TGFBR3: variants seen among roughly 807,000 people sequenced by gnomAD.
The protein encoded by TGFBR3 is transforming growth factor beta receptor 3.
A neutral mutation model predicts 87.9 loss-of-function variants in TGFBR3; 46 were observed. The observed-to-expected ratio is 0.52, with a 90% CI of 0.41 to 0.67. The LOEUF (loss-of-function observed/expected upper bound fraction) is 0.67. TGFBR3 is among the 30% of genes least tolerant of loss of function. The pLI, the probability that TGFBR3 is intolerant of heterozygous loss-of-function variation, is 0.00. For synonymous variants in TGFBR3, 381 were observed against 391.6 expected (o/e 0.97, Z 0.32); for missense variants, 866 against 1,041.9 (o/e 0.83, Z 2.32).
intron 1 of TGFBR3, among the ~76,000 whole-genome samples, chr1:91,865,202 C>CAAAAAAAAAAA (rs67134125): frequency 1.7e-4 from 18 of 105,206 alleles, no homozygotes; most frequent in South Asian, 3.2e-4. Flanking sequence ...GACTCCATCT[C>CAAAAAAAAAAA]AAAAAAAAAA....
chr1:91,751,136 G>C lies in TGFBR3; in HGVS notation c.384+7477C>G, dbSNP rs188892878. On this transcript the variant is annotated intron_variant, in intron 4 of 16. Transcript: ENST00000212355. ...GCACATACATAAACCATCATACCCG[G>C]TATGCTAATTCTGTGTTTTTTTCTA... 5.9e-5 allele frequency among the ~76,000 whole-genome samples: 9 copies of C among 152,182 alleles called. No individual in the cohort carries two copies. The East Asian group carries it at 1.7e-3, about 29-fold the overall frequency.
At chr1:91,719,572 C>T (rs1672289786) in intron 9 of TGFBR3, 108 bp from the exon 10 acceptor site, 2 of 1,386,870 alleles carry the variant, frequency 1.4e-6, no homozygotes, top group Admixed American at 3.5e-5. Flanking sequence ...CGATGAGAGG[C>T]CTGCATCGTG....
chr1:91,724,024 A>C (rs1672463581), intron 7 of TGFBR3, among the ~76,000 whole-genome samples: 1 of 152,206 alleles, frequency 6.6e-6, no homozygotes. Context: ...GATCTCATTC[A>C]GTATATTTTT....
chr1:91,886,320 C>T (rs1278387766), upstream of TGFBR3: 1 of 384,398 alleles, frequency 2.6e-6, no homozygotes, highest in East Asian at 7.5e-5. Flanking sequence ...CGCCTCCCGC[C>T]TCCTCTCTCC....
In TGFBR3 at chr1:91,682,488, G is replaced by T. The variant is rs1670944345; in HGVS notation, c.*1251C>A. 1 of 439,134 alleles carries T rather than the reference G, an allele frequency of 2.3e-6. No individual in the cohort carries two copies. 27.2% of individuals were successfully genotyped at this position (439,134 alleles called of 1,614,324 possible). ...GTGGCATCATATTATTCCATTTAAT[G>T]AAATTCACCTCAAGCCCTTTTTGAC... is the stretch of plus-strand genomic sequence containing the variant. On this transcript the variant is annotated 3_prime_UTR_variant, in exon 17 of 17. Transcript: ENST00000212355.
rs764341440 is a variant in TGFBR3, at chr1:91,727,700, C to T, written c.844G>A (p.Val282Met). 2 of 1,614,134 alleles carry T rather than the reference C, an allele frequency of 1.2e-6. No homozygotes were observed. Among genetic ancestry groups the T allele is most frequent in the Non-Finnish European group, 1.7e-6 (2 of 1,180,014 alleles). Residue 282 changes from valine to methionine, a missense_variant, in exon 7 of 17, where the codon GTG becomes ATG. Transcript: ENST00000212355. ...CCCTTAACATCAAAAGATTTGATCA[C>T]CCAGTTGACAGACTTTTTGCACTTC... ...ILKCKKSVNW[V>M]IKSFDVKGSL...
intron 16 of TGFBR3, among the ~76,000 whole-genome samples, chr1:91,689,115 G>C (rs1036981033): frequency 8.5e-5 from 13 of 152,102 alleles, no homozygotes; most frequent in African/African-American, 2.4e-4. Flanking sequence ...AAAAAACAAA[G>C]CACCTCCCGG....
At chr1:91,692,076 G>A (rs1671287269) in intron 16 of TGFBR3, among the ~76,000 whole-genome samples, 1 of 152,074 alleles carries the variant, frequency 6.6e-6, no homozygotes, top group South Asian at 2.1e-4. Flanking sequence ...TAATTCTAGG[G>A]AAAATTAAAA....
chr1:91,843,669 T>C (rs1433319119), intron 2 of TGFBR3, among the ~76,000 whole-genome samples: 1 of 152,176 alleles, frequency 6.6e-6, no homozygotes, highest in Non-Finnish European at 1.5e-5. Flanking sequence ...GAACTACTGA[T>C]ACTTCAATTT....
Position 91,787,943 on chromosome 1 carries a change from G to GGAAAAAAAAAAAAAAAAAAAAA in TGFBR3, c.246+9343_246+9344insTTTTTTTTTTTTTTTTTTTTTC, listed in dbSNP as rs945269870. 6.6e-4 allele frequency among the ~76,000 whole-genome samples: 88 copies of GGAAAAAAAAAAAAAAAAAAAAA among 133,288 alleles called. 1 individual carries two copies. Among genetic ancestry groups the GGAAAAAAAAAAAAAAAAAAAAA allele is most frequent in the African/African-American group, 2.5e-3 (81 of 32,628 alleles). The allele number at this position is 133,288 out of a possible 152,430, so 87.4% of individuals were successfully genotyped here. On this transcript the variant is annotated intron_variant, in intron 3 of 16. Coordinates refer to ENST00000212355, the MANE Select transcript of TGFBR3 (RefSeq NM_003243.5). ...ACAGAGCCAGACCCTGTCTCACGGG[G>GGAAAAAAAAAAAAAAAAAAAAA]AAAAAAAAAAAAACCCCAAGAAGAA... is the stretch of plus-strand genomic sequence containing the variant.
Position 91,712,227 on chromosome 1 carries a change from A to C in TGFBR3, c.2166+16T>G, listed in dbSNP as rs776857300. The C allele has an allele frequency of 3.1e-6, 5 of 1,613,408 alleles. No homozygotes were observed. The East Asian group carries it at 1.1e-4, about 36-fold the overall frequency. ...AATGCCAAAATAACCATCCGAATGG[A>C]TGAAGGCCCACAAACCTTAGGCAAC... is the stretch of plus-strand genomic sequence containing the variant. On this transcript the variant is annotated intron_variant, in intron 13 of 16. Transcript: ENST00000212355.
At chr1:91,727,863 T>A in intron 6 of TGFBR3, 57 bp from the exon 7 acceptor site, 1 of 1,595,460 alleles carries the variant, frequency 6.3e-7, no homozygotes, top group Non-Finnish European at 8.6e-7. Context: ...GTTGCAACTA[T>A]CTCCCCTCTT....
chr1:91,710,818 C>T (rs919750232), intron 13 of TGFBR3, among the ~76,000 whole-genome samples: 1 of 152,176 alleles, frequency 6.6e-6, no homozygotes, highest in Admixed American at 6.5e-5. Flanking sequence ...GCAGAGCTTC[C>T]TTCTCAGTCC....
At chr1:91,789,033 C>T (rs1675080290) in intron 3 of TGFBR3, among the ~76,000 whole-genome samples, 1 of 152,160 alleles carries the variant, frequency 6.6e-6, no homozygotes, top group South Asian at 2.1e-4. Context: ...CACGGTGGCT[C>T]ACGCCTGTAA....
chr1:91,770,311 T>A (rs775274146), intron 3 of TGFBR3, among the ~76,000 whole-genome samples: 55 of 151,960 alleles, frequency 3.6e-4, no homozygotes, highest in Non-Finnish European at 6.9e-4. Context: ...ATAGACTGAT[T>A]CCTACAGATT....
chr1:91,737,384 T>G (rs1178976966), intron 4 of TGFBR3, among the ~76,000 whole-genome samples: 1 of 152,160 alleles, frequency 6.6e-6, no homozygotes, highest in Non-Finnish European at 1.5e-5. Flanking sequence ...TCCATCTGAT[T>G]TGCGGAACTG....
At chr1:91,719,747 G>A in intron 9 of TGFBR3, 146 bp downstream of exon 9, 1 of 945,272 alleles carries the variant, frequency 1.1e-6, no homozygotes, top group East Asian at 2.6e-5. Context: ...CACAGCCAAG[G>A]GGAAGTAGGC....
intron 16 of TGFBR3, among the ~76,000 whole-genome samples, chr1:91,692,730 A>G (rs1180103808): frequency 2.0e-5 from 3 of 152,166 alleles, no homozygotes; most frequent in African/African-American, 7.2e-5. Context: ...CCTTAAGGGA[A>G]TATCTCTTAT....
chr1:91,773,597 G>A (rs948306205), intron 3 of TGFBR3, among the ~76,000 whole-genome samples: 4 of 152,192 alleles, frequency 2.6e-5, no homozygotes, highest in Non-Finnish European at 5.9e-5. Flanking sequence ...AGGGAGAATT[G>A]CATGAATGCA....
Sources: allele counts gnomAD v4.1 joint callset (sites outside exome capture counted in the v4.1 genomes callset), GRCh38; gene constraint gnomAD v4.1.1; transcripts MANE v1.5; gene names NCBI Gene and HGNC (gene_info 2026-07-23, HGNC 2026-07-21).